The following ZNF404 variants were observed in gnomAD, a reference collection of about 807,000 sequenced individuals.
ZNF404 encodes the protein zinc finger protein 404.
ZNF404 carries 7 observed loss-of-function variants against 7.3 expected under a neutral mutation model. The ratio of observed to expected loss-of-function variants is 0.95; its 90% CI spans 0.54 to 1.79. The LOEUF (loss-of-function observed/expected upper bound fraction) is 1.79, where lower values mean the gene tolerates loss of function less well. Ranked by LOEUF, ZNF404 falls within the 40% of genes most tolerant of loss-of-function variation. The pLI, the probability that ZNF404 is intolerant of heterozygous loss-of-function variation, is 0.00. For synonymous variants in ZNF404, 191 were observed against 209.9 expected (o/e 0.91, Z 0.78); for missense variants, 560 against 661.5 (o/e 0.85, Z 1.68).
At chr19:43,874,203 T>C in intron 2 of ZNF404, 126 bp from the exon 3 acceptor site, 1 of 720,858 alleles carries the variant, frequency 1.4e-6, no homozygotes, top group Non-Finnish European at 2.1e-6. Context: ...GTTTAGAAAA[T>C]TCTAAAGTAC....
rs755492408 is a variant in ZNF404, at chr19:43,873,176, C to A, written c.1038G>T (p.Lys346Asn). The part of the protein sequence containing the change: ...FGKGSSLLKH[K>N]RIHSSEKLYD... Reference sequence around the variant, plus strand: ...AGAGTTTCTCACTACTATGAATTCTCTTATGTTTAAGAAGGCTTGAGCCCT... The same window carrying A: ...AGAGTTTCTCACTACTATGAATTCTATTATGTTTAAGAAGGCTTGAGCCCT... The change falls in exon 3 of 3, where the codon AAG becomes AAT. Residue 346 changes from lysine (K) to asparagine (N), a missense_variant. By Grantham distance (94) the Lys-to-Asn change is moderately conservative (BLOSUM62 0). Transcript: ENST00000587539. 1 of 1,612,476 alleles carries A rather than the reference C, an allele frequency of 6.2e-7. No individual in the cohort carries two copies. The highest frequency in any genetic ancestry group is 2.2e-5 in the East Asian group (1 of 44,860).
Position 43,873,238 on chromosome 19 carries a change from G to T in ZNF404, c.976C>A (p.Pro326Thr). 6.2e-7 allele frequency: 1 copy of T among 1,613,616 alleles called. No homozygotes were observed. The highest frequency in any genetic ancestry group is 2.2e-5 in the East Asian group (1 of 44,868). ...EHQRSHTGEK[P>T]HECMECGKAF... ...TTTCCACATTCCATGCATTCATGAG[G>T]TTTCTCACCAGTATGACTTCTTTGA... The change falls in exon 3 of 3, where the codon CCT becomes ACT. Residue 326 changes from proline (P) to threonine (T), a missense_variant. Coordinates refer to ENST00000587539, the MANE Select transcript of ZNF404 (RefSeq NM_001033719.3).
In ZNF404 at chr19:43,873,497, G is replaced by C. The variant is rs1239716514; in HGVS notation, c.717C>G (p.Gly239=). 1.2e-6 allele frequency: 2 copies of C among 1,613,328 alleles called. No homozygotes were observed. The highest frequency in any genetic ancestry group is 1.7e-6 in the Non-Finnish European group (2 of 1,179,498). The change falls in exon 3 of 3, where the codon GGC becomes GGG. Residue 239 remains glycine, a synonymous_variant. Coordinates refer to ENST00000587539, the MANE Select transcript of ZNF404 (RefSeq NM_001033719.3). ...ATTCCTTACATTCAAAGGGTTTCAA[G>C]CCAACATGAATTTTCTGATGTTCTG... ...HLTEHQKIHV[G]LKPFECKECG... is the part of the protein sequence containing the mutation.
At chr19:43,877,265 A>G (rs1971855792) in intron 2 of ZNF404, among the ~76,000 whole-genome samples, 1 of 152,210 alleles carries the variant, frequency 6.6e-6, no homozygotes. Context: ...GAAAATCTAA[A>G]CAGACCAATT....
At chr19:43,880,203 T>G in intron 1 of ZNF404, 67 bp from the exon 2 acceptor site, 2 of 1,415,324 alleles carry the variant, frequency 1.4e-6, no homozygotes, top group South Asian at 2.7e-5. Flanking sequence ...AACATTAAAT[T>G]GCAATAAAGG....
Position 43,873,074 on chromosome 19 carries a change from C to G in ZNF404, c.1140G>C (p.Glu380Asp), listed in dbSNP as rs1226008421. ...LTQHQRIHTG[E>D]KPHECKECGK... Reference sequence around the variant, plus strand: ...CACATTCTTTACATTCATGTGGCTTCTCACCAGTATGAATTCTCTGATGCT... The same window carrying G: ...CACATTCTTTACATTCATGTGGCTTGTCACCAGTATGAATTCTCTGATGCT... Residue 380 changes from glutamate to aspartate, a missense_variant, in exon 3 of 3, where the codon GAG becomes GAC. Transcript: ENST00000587539. The G allele has an allele frequency of 1.2e-6, 2 of 1,612,580 alleles. No homozygotes were observed. The highest frequency in any genetic ancestry group is 8.5e-7 in the Non-Finnish European group (1 of 1,179,192).
chr19:43,876,089 C>T (rs577506399), intron 2 of ZNF404, among the ~76,000 whole-genome samples: 2 of 152,184 alleles, frequency 1.3e-5, no homozygotes, highest in South Asian at 2.1e-4. Context: ...TTTGGGAGGC[C>T]GAAGCAGGCA....
intron 2 of ZNF404, among the ~76,000 whole-genome samples, chr19:43,879,597 G>T (rs1971878834): frequency 6.6e-6 from 1 of 152,136 alleles, no homozygotes; most frequent in African/African-American, 2.4e-5. Flanking sequence ...TAAAAATTAT[G>T]GAGGCTCTTT....
intron 2 of ZNF404, among the ~76,000 whole-genome samples, chr19:43,876,881 A>T (rs1270372666): frequency 6.6e-6 from 1 of 152,226 alleles, no homozygotes; most frequent in African/African-American, 2.4e-5. Context: ...GCACTTTTCA[A>T]AATACCTGAC....
chr19:43,877,690 G>A (rs957259428), intron 2 of ZNF404, among the ~76,000 whole-genome samples: 5 of 144,894 alleles, frequency 3.5e-5, no homozygotes, highest in South Asian at 4.5e-4. Context: ...CCACTAACTC[G>A]TCATCTAGCA....
At position 43,872,811 on chromosome 19, in the gene ZNF404, A is replaced by G. The variant is rs1253635820; in HGVS notation, c.1403T>C (p.Val468Ala). 1.9e-6 allele frequency: 3 copies of G among 1,610,278 alleles called. No individual in the cohort carries two copies. Among genetic ancestry groups the G allele is most frequent in the Admixed American group, 3.4e-5 (2 of 59,392 alleles). The change falls in exon 3 of 3, where the codon GTA (valine) becomes GCA (alanine). Residue 468 changes from valine (V) to alanine (A), a missense_variant. Physicochemically the swap from Val to Ala is moderately conservative, Grantham distance 64. Transcript: ENST00000587539. The surrounding 1 kb of genome is among the most constrained non-coding windows in gnomAD (Gnocchi z 4.4). ...QTIHTGLKPYVCKECKKAFRS... is the reference protein window; with the variant it reads ...QTIHTGLKPYACKECKKAFRS... ...AAAGGCCTTCTTACATTCTTTACAT[A>G]CATAGGGTTTCAAACCAGTATGAAT...
chr19:43,873,733 A>T lies in ZNF404; in HGVS notation c.481T>A (p.Cys161Ser). The change falls in exon 3 of 3, where the codon TGT (cysteine) becomes AGT (serine). Residue 161 changes from cysteine (C) to serine (S), a missense_variant. Physicochemically the swap from Cys to Ser is moderately radical, Grantham distance 112 (BLOSUM62 -1). Coordinates refer to ENST00000587539, the MANE Select transcript of ZNF404 (RefSeq NM_001033719.3). ...RDHTGVIPYE[C>S]NECGKAFVVF... is the part of the protein sequence containing the mutation. ...ACAAATGCTTTTCCACATTCATTAC[A>T]TTCATAGGGTATCACACCAGTATGG... The T allele has an allele frequency of 1.2e-6, 2 of 1,608,026 alleles. No homozygotes were observed. Among genetic ancestry groups the T allele is most frequent in the Non-Finnish European group, 1.7e-6 (2 of 1,179,632 alleles).
intron 1 of ZNF404, among the ~76,000 whole-genome samples, chr19:43,882,084 G>T (rs1380000350): frequency 6.6e-6 from 1 of 152,142 alleles, no homozygotes; most frequent in Non-Finnish European, 1.5e-5. Flanking sequence ...AGCACAGTTG[G>T]AGGATCAACC....
At chr19:43,879,746 T>G (rs1458251150) in intron 2 of ZNF404, among the ~76,000 whole-genome samples, 3 of 152,148 alleles carry the variant, frequency 2.0e-5, no homozygotes, top group South Asian at 2.1e-4. Context: ...AATTCAAACC[T>G]CTAGTCATTT....
chr19:43,874,027 A>G lies in ZNF404; in HGVS notation c.187T>C (p.Tyr63His). The change falls in exon 3 of 3, where the codon TAT becomes CAT. Residue 63 changes from tyrosine to histidine, a missense_variant. Transcript: ENST00000587539. ...SNKLSSEKRNYEVNAYHQETW... is the reference protein window; with the variant it reads ...SNKLSSEKRNHEVNAYHQETW... Reference sequence around the variant, plus strand: ...TCCTGATGGTACGCATTTACTTCATAATTTCTTTTTTCTGAAGATAACTTG... The same window carrying G: ...TCCTGATGGTACGCATTTACTTCATGATTTCTTTTTTCTGAAGATAACTTG... 5 of 1,583,966 alleles carry G rather than the reference A, an allele frequency of 3.2e-6. No individual in the cohort carries two copies. Among genetic ancestry groups the G allele is most frequent in the East Asian group, 4.5e-5 (2 of 44,666 alleles).
Position 43,873,219 on chromosome 19 carries a change from C to T in ZNF404, c.995G>A (p.Cys332Tyr), listed in dbSNP as rs936407637. Residue 332 changes from cysteine to tyrosine, a missense_variant, in exon 3 of 3, where the codon TGT becomes TAT. Cys to Tyr is a radical substitution (Grantham distance 194). Coordinates refer to ENST00000587539, the MANE Select transcript of ZNF404 (RefSeq NM_001033719.3). ...TGAGCCCTTACCAAAAGCCTTTCCA[C>T]ATTCCATGCATTCATGAGGTTTCTC... ...TGEKPHECMECGKAFGKGSSL... is the reference protein window; with the variant it reads ...TGEKPHECMEYGKAFGKGSSL... 6.2e-7 allele frequency: 1 copy of T among 1,613,492 alleles called. No homozygotes were observed. The highest frequency in any genetic ancestry group is 2.2e-5 in the East Asian group (1 of 44,878).
rs1374085105 is a variant in ZNF404, at chr19:43,873,070, G to A, written c.1144C>T (p.Pro382Ser). Residue 382 changes from proline to serine, a missense_variant, in exon 3 of 3, where the codon CCA becomes TCA. Coordinates refer to ENST00000587539, the MANE Select transcript of ZNF404 (RefSeq NM_001033719.3). ...QHQRIHTGEK[P>S]HECKECGKTF... ...TTCCCACATTCTTTACATTCATGTG[G>A]CTTCTCACCAGTATGAATTCTCTGA... 8 of 1,612,264 alleles carry A rather than the reference G, an allele frequency of 5.0e-6. No homozygotes were observed. Among genetic ancestry groups the A allele is most frequent in the Non-Finnish European group, 6.8e-6 (8 of 1,179,058 alleles).
Position 43,872,559 on chromosome 19 carries a change from A to G in ZNF404, c.1655T>C (p.Met552Thr), listed in dbSNP as rs1971818294. ...QRFHHGERLL[M>T] The stretch of plus-strand genomic sequence containing the variant: ...GGCTAAAGGCTTTCCCTCTCATTAC[A>G]TTAAGAGTCTCTCACCATGGTGAAA... The change falls in exon 3 of 3, where the codon ATG becomes ACG. Residue 552 changes from methionine to threonine, a missense_variant. Coordinates refer to ENST00000587539, the MANE Select transcript of ZNF404 (RefSeq NM_001033719.3). The surrounding 1 kb of genome is among the most constrained non-coding windows in gnomAD (Gnocchi z 4.4). The G allele has an allele frequency of 1.9e-6, 3 of 1,594,816 alleles. No individual in the cohort carries two copies. Among genetic ancestry groups the G allele is most frequent in the Non-Finnish European group, 2.6e-6 (3 of 1,170,426 alleles).
chr19:43,880,650 G>A (rs1971888094), intron 1 of ZNF404, among the ~76,000 whole-genome samples: 1 of 152,030 alleles, frequency 6.6e-6, no homozygotes, highest in African/African-American at 2.4e-5. Flanking sequence ...TGGTTTTCAA[G>A]ACAGAAAACA....
Sources: allele counts gnomAD v4.1 joint callset (sites outside exome capture counted in the v4.1 genomes callset), GRCh38; gene constraint gnomAD v4.1.1; non-coding constraint Gnocchi (gnomAD v3.1); transcripts MANE v1.5; gene names NCBI Gene and HGNC (gene_info 2026-07-23, HGNC 2026-07-21).